PARK7: variants seen among roughly 807,000 people sequenced by gnomAD.
PARK7 encodes Parkinson disease protein 7.
A neutral mutation model predicts 20.5 loss-of-function variants in PARK7; 14 were observed. The observed-to-expected ratio is 0.68, with a 90% CI of 0.45 to 1.07. The LOEUF (loss-of-function observed/expected upper bound fraction) is 1.07. PARK7 is among the 50% of genes least tolerant of loss of function. PARK7 has a pLI of 0.00. For missense variants in PARK7, 234 were observed against 238.1 expected (o/e 0.98, Z 0.11); for synonymous variants, 98 against 84.3 (o/e 1.16, Z -0.89).
intron 2 of PARK7, among the ~76,000 whole-genome samples, chr1:7,964,356 A>T (rs1640281287): frequency 6.6e-6 from 1 of 152,206 alleles, no homozygotes; most frequent in African/African-American, 2.4e-5. Context: ...CGTAGTAAGT[A>T]CAAAAGCCAG....
chr1:7,966,285 A>G (rs551617351), intron 3 of PARK7, among the ~76,000 whole-genome samples: 130 of 152,234 alleles, frequency 8.5e-4, no homozygotes, highest in African/African-American at 2.9e-3. Flanking sequence ...CCTCAGATAC[A>G]TAGGAAAAAG....
intron 5 of PARK7, chr1:7,971,787 G>A (rs1368530159): frequency 6.6e-6 from 1 of 152,272 alleles, no homozygotes; most frequent in Non-Finnish European, 1.5e-5. Context: ...ACAGAAATTA[G>A]CCAGGCGTGG....
chr1:7,974,415 G>C lies in PARK7; in HGVS notation c.323-3237G>C, dbSNP rs192798960. On this transcript the variant is annotated intron_variant, in intron 5 of 6. Coordinates refer to ENST00000338639, the MANE Select transcript of PARK7 (RefSeq NM_007262.5). The stretch of plus-strand genomic sequence containing the variant: ...GAGGCCGAGGCGTGCGGATCACAAG[G>C]TCAGGAGATCGAGACCATCCTGGCT... Among the ~76,000 whole-genome samples, 512 of 152,130 alleles carry C rather than the reference G, an allele frequency of 3.4e-3. 5 individuals are homozygous for C. The highest frequency in any genetic ancestry group is 0.012 in the African/African-American group (497 of 41,514).
At chr1:7,982,874 T>A (rs997357848) in intron 6 of PARK7, 4 of 152,250 alleles carry the variant, frequency 2.6e-5, no homozygotes, top group African/African-American at 4.8e-5. Flanking sequence ...CCTGATTTTT[T>A]AAATTTTTTA....
intron 6 of PARK7, among the ~76,000 whole-genome samples, chr1:7,980,020 G>C (rs1640677921): frequency 6.6e-6 from 1 of 151,986 alleles, no homozygotes; most frequent in African/African-American, 2.4e-5. Context: ...AATTAGCTGG[G>C]CGTGGTGGCG....
chr1:7,966,708 C>G (rs1205401232), intron 3 of PARK7, among the ~76,000 whole-genome samples: 1 of 151,884 alleles, frequency 6.6e-6, no homozygotes, highest in East Asian at 1.9e-4. Context: ...AGAGCGAGAC[C>G]CTGTCTCAAA....
intron 5 of PARK7, among the ~76,000 whole-genome samples, chr1:7,975,290 T>C (rs960993414): frequency 6.6e-6 from 1 of 152,104 alleles, no homozygotes; most frequent in Non-Finnish European, 1.5e-5. Context: ...TTAAATGATA[T>C]TTACTTTGAG....
Position 7,984,606 on chromosome 1 carries a change from CTG to C in PARK7, c.410-286_410-285del, listed in dbSNP as rs1336058755. Among the ~76,000 whole-genome samples the C allele has an allele frequency of 3.9e-5, 6 of 152,144 alleles. No individual in the cohort carries two copies. The highest frequency in any genetic ancestry group is 1.5e-4 in the African/African-American group (6 of 41,374). On this transcript the variant is annotated intron_variant, in intron 6 of 6. Coordinates refer to ENST00000338639, the MANE Select transcript of PARK7 (RefSeq NM_007262.5). The surrounding 1 kb of genome is among the most constrained non-coding windows in gnomAD (Gnocchi z 4.3). ...TTGTTGTAAATAGTGATGTGAGTAA[CTG>C]TCATTCACCGACATCTCCCCCAACA...
chr1:7,966,741 ATC>A (rs565013387), intron 3 of PARK7, among the ~76,000 whole-genome samples: 42 of 152,150 alleles, frequency 2.8e-4, no homozygotes, highest in African/African-American at 9.9e-4. Flanking sequence ...ACTTTTTTTC[ATC>A]TCTGTTTGTG....
At chr1:7,969,463 A>G (rs1192711718) in intron 4 of PARK7, 59 bp downstream of exon 4, 1 of 1,154,912 alleles carries the variant, frequency 8.7e-7, no homozygotes, top group Admixed American at 1.8e-5. Flanking sequence ...AAACTAAAGA[A>G]TTTCAGCATC....
intron 6 of PARK7, among the ~76,000 whole-genome samples, chr1:7,981,960 C>A (rs979266840): frequency 1.4e-5 from 2 of 148,054 alleles, no homozygotes; most frequent in Admixed American, 6.9e-5. Context: ...GCCCAGCCCC[C>A]CCGCCTTTTT....
intron 5 of PARK7, among the ~76,000 whole-genome samples, chr1:7,977,224 G>C (rs1640602920): frequency 1.3e-5 from 2 of 152,168 alleles, no homozygotes; most frequent in Non-Finnish European, 2.9e-5. Context: ...GGGAAGGTGA[G>C]AGAGGTGAGC....
intron 4 of PARK7, among the ~76,000 whole-genome samples, chr1:7,970,502 G>T (rs1640442709): frequency 6.6e-6 from 1 of 152,192 alleles, no homozygotes; most frequent in Admixed American, 6.5e-5. Context: ...AGTTGGGGCT[G>T]CCAGAAGTAA....
chr1:7,974,553 T>G (rs1230896864), intron 5 of PARK7, among the ~76,000 whole-genome samples: 1 of 150,732 alleles, frequency 6.6e-6, no homozygotes, highest in African/African-American at 2.4e-5. Context: ...GGTGTGAACC[T>G]GGGGGGCAGA....
At chr1:7,983,935 A>G (rs1425970347) in intron 6 of PARK7, among the ~76,000 whole-genome samples, 1 of 152,254 alleles carries the variant, frequency 6.6e-6, no homozygotes, top group Non-Finnish European at 1.5e-5. Flanking sequence ...TAAACAAGGA[A>G]ATGAAATGTT....
At chr1:7,977,585 C>G (rs1476037117) in intron 5 of PARK7, 67 bp from the exon 6 acceptor site, 1 of 1,394,636 alleles carries the variant, frequency 7.2e-7, no homozygotes, top group East Asian at 2.3e-5. Context: ...GTGCCAGGCA[C>G]TATTGCGATT....
intron 6 of PARK7, among the ~76,000 whole-genome samples, chr1:7,978,635 G>A (rs1190096793): frequency 6.6e-6 from 1 of 151,598 alleles, no homozygotes; most frequent in Non-Finnish European, 1.5e-5. Flanking sequence ...CTTGAGCCCC[G>A]AGTTCGAGAC....
chr1:7,985,178 C>T lies in PARK7; in HGVS notation c.*124C>T, dbSNP rs147437667. On this transcript the variant is annotated 3_prime_UTR_variant, in exon 7 of 7. Transcript: ENST00000338639. Reference sequence around the variant, plus strand: ...GAAGTCGCTGTCCTTACTACTTTTGCGGAAGTATGGAAGTCACAACTACAC... The same window carrying T: ...GAAGTCGCTGTCCTTACTACTTTTGTGGAAGTATGGAAGTCACAACTACAC... 9.6e-4 allele frequency: 1,280 copies of T among 1,327,846 alleles called. 9 individuals are homozygous for T. In the African/African-American group the frequency reaches 0.016, roughly 17 times the overall value. The allele number at this position is 1,327,846 out of a possible 1,614,324, so 82.3% of individuals were successfully genotyped here. A position where few individuals can be genotyped will look rare whatever the true frequency, so the allele number is the denominator to read the frequency against.
chr1:7,969,448 G>T (rs543441690), intron 4 of PARK7, 44 bp downstream of exon 4: 14 of 839,728 alleles, frequency 1.7e-5, no homozygotes, highest in South Asian at 1.5e-4. Flanking sequence ...GCTGGGGGGG[G>T]GGAAAAACTA....
Sources: allele counts gnomAD v4.1 joint callset (sites outside exome capture counted in the v4.1 genomes callset), GRCh38; gene constraint gnomAD v4.1.1; non-coding constraint Gnocchi (gnomAD v3.1); transcripts MANE v1.5; gene names NCBI Gene and HGNC (gene_info 2026-07-23, HGNC 2026-07-21).